OR14I1: variants seen among roughly 807,000 people sequenced by gnomAD.
OR14I1 encodes the protein olfactory receptor 14I1.
For synonymous variants in OR14I1, 118 were observed against 71.1 expected (o/e 1.66, Z -3.32); for missense variants, 279 against 181.8 (o/e 1.53, Z -3.07).
the OR14I1 span, among the ~76,000 whole-genome samples, chr1:248,693,899 T>A: frequency 6.7e-3 from 890 of 132,358 alleles, 13 homozygotes; most frequent in East Asian, 0.057. Context: ...CAGAACTTTT[T>A]AAAAAAAAAA....
the OR14I1 span, among the ~76,000 whole-genome samples, chr1:248,699,727 G>T: frequency 9.5e-4 from 144 of 152,116 alleles, no homozygotes; most frequent in African/African-American, 3.2e-3. Flanking sequence ...CAAGGTCCCT[G>T]GTTCTCACTG....
At chr1:248,697,676 G>A in the OR14I1 span, among the ~76,000 whole-genome samples, 2 of 152,056 alleles carry the variant, frequency 1.3e-5, no homozygotes, top group African/African-American at 2.4e-5. Flanking sequence ...CCAGCTACTC[G>A]GGAGACTGAG....
At chr1:248,695,155 GTTA>G in the OR14I1 span, among the ~76,000 whole-genome samples, 1 of 147,368 alleles carries the variant, frequency 6.8e-6, no homozygotes, top group African/African-American at 2.5e-5. Flanking sequence ...TGAAATTTTC[GTTA>G]TTTTGTCTTT....
downstream of OR14I1, among the ~76,000 whole-genome samples, chr1:248,678,910 G>A (rs1314164707): frequency 6.6e-6 from 1 of 152,194 alleles, no homozygotes; most frequent in Non-Finnish European, 1.5e-5. Flanking sequence ...TGTGGTCATA[G>A]AAGCAGCTCA....
downstream of OR14I1, among the ~76,000 whole-genome samples, chr1:248,678,572 G>A (rs1051389255): frequency 6.6e-6 from 1 of 152,114 alleles, no homozygotes; most frequent in Non-Finnish European, 1.5e-5. Context: ...AATTTATGAA[G>A]TTTTAATTCT....
upstream of OR14I1, among the ~76,000 whole-genome samples, chr1:248,687,139 A>G (rs1378924611): frequency 6.6e-6 from 1 of 152,260 alleles, no homozygotes; most frequent in African/African-American, 2.4e-5. Flanking sequence ...AGCATGAGAT[A>G]TAGAGATTTT....
the OR14I1 span, among the ~76,000 whole-genome samples, chr1:248,699,280 G>C: frequency 6.6e-6 from 1 of 152,184 alleles, no homozygotes; most frequent in Non-Finnish European, 1.5e-5. Flanking sequence ...TTTAGAGAAT[G>C]AGGACGTGTG....
chr1:248,682,031 A>G, exon 1 of OR14I1: 1 of 781,074 alleles, frequency 1.3e-6, no homozygotes, highest in Non-Finnish European at 2.4e-6. Flanking sequence ...CAGCCAAGAT[A>G]AGAGATGGAG....
upstream of OR14I1, among the ~76,000 whole-genome samples, chr1:248,686,900 G>A (rs1661665161): frequency 6.6e-6 from 1 of 152,190 alleles, no homozygotes; most frequent in Non-Finnish European, 1.5e-5. Context: ...CTCAGTGATA[G>A]AGAAAACCTG....
At chr1:248,690,803 A>C in the OR14I1 span, among the ~76,000 whole-genome samples, 1 of 152,026 alleles carries the variant, frequency 6.6e-6, no homozygotes, top group African/African-American at 2.4e-5. Context: ...AGAAAATTTC[A>C]CACCAATATC....
the OR14I1 span, among the ~76,000 whole-genome samples, chr1:248,690,056 T>C: frequency 1.3e-5 from 2 of 152,156 alleles, no homozygotes; most frequent in South Asian, 4.1e-4. Context: ...CACACCAGAA[T>C]TTCCGGGACA....
chr1:248,692,902 C>G, the OR14I1 span: 5 of 152,180 alleles, frequency 3.3e-5, no homozygotes, highest in African/African-American at 1.2e-4. Context: ...TAATGTTTGT[C>G]TGTCTTTCTC....
At chr1:248,694,037 C>T in the OR14I1 span, among the ~76,000 whole-genome samples, 2 of 152,162 alleles carry the variant, frequency 1.3e-5, no homozygotes, top group East Asian at 3.8e-4. Flanking sequence ...ATGCCATTGC[C>T]TTGGGACATC....
At chr1:248,697,600 C>CTTGAGGG in the OR14I1 span, among the ~76,000 whole-genome samples, 12 of 151,624 alleles carry the variant, frequency 7.9e-5, no homozygotes, top group Non-Finnish European at 1.6e-4. Context: ...GCCTGACCAA[C>CTTGAGGG]ATGGAGAAAC....
the OR14I1 span, among the ~76,000 whole-genome samples, chr1:248,698,283 AATC>A: frequency 3.9e-5 from 6 of 152,358 alleles, no homozygotes; most frequent in Admixed American, 2.0e-4. Flanking sequence ...AGTAAGATGA[AATC>A]ATCGAGAGCG....
the OR14I1 span, among the ~76,000 whole-genome samples, chr1:248,689,309 T>G: frequency 1.3e-3 from 196 of 152,328 alleles, 1 homozygote; most frequent in African/African-American, 4.5e-3. Context: ...TAAAATATGC[T>G]GCAGTCCCAC....
At chr1:248,679,166 A>T (rs1661520317), downstream of OR14I1, among the ~76,000 whole-genome samples, 1 of 152,212 alleles carries the variant, frequency 6.6e-6, no homozygotes, top group Non-Finnish European at 1.5e-5. Context: ...TATGAATGAC[A>T]CAAGTACATA....
chr1:248,696,531 A>G, the OR14I1 span, among the ~76,000 whole-genome samples: 7 of 152,320 alleles, frequency 4.6e-5, no homozygotes, highest in East Asian at 1.3e-3. Context: ...ATAGTGCAGA[A>G]GAAGCTAAGG....
chr1:248,681,321 T>C (rs1340986280), downstream of OR14I1: 2 of 641,620 alleles, frequency 3.1e-6, no homozygotes, highest in Non-Finnish European at 5.6e-6. Context: ...GTATTTATGC[T>C]TTTTTGGGGT....
Sources: gnomAD v4.1 joint callset for allele counts (sites outside exome capture counted in the v4.1 genomes callset) on GRCh38, gnomAD v4.1.1 for gene constraint, MANE v1.5 for transcripts, NCBI Gene and HGNC (gene_info 2026-07-23, HGNC 2026-07-21) for gene names.